Variants in MSN observed in about 807,000 individuals in gnomAD.
MSN encodes the protein moesin.
Under a neutral mutation model 48.0 loss-of-function variants are expected in MSN, and 2 were observed. The ratio of observed to expected loss-of-function variants is 0.04; its 90% confidence interval spans 0.02 to 0.13. MSN has a LOEUF of 0.13. Among genes scored for constraint, MSN ranks in the 10% least tolerant of loss-of-function variants. MSN has a pLI of 1.00. For synonymous variants in MSN, 146 were observed against 166.9 expected (o/e 0.87, Z 0.97); for missense variants, 267 against 470.1 (o/e 0.57, Z 3.99).
intron 1 of MSN, among the ~76,000 whole-genome samples, chrX:65,705,361 G>A (rs776786430): frequency 1.8e-5 from 2 of 111,879 alleles, no homozygotes; most frequent in South Asian, 7.5e-4. Context: ...AGGAGCTGGT[G>A]TGTCAGCCCA....
chrX:65,639,147 T>G (rs773777458), intron 1 of MSN, among the ~76,000 whole-genome samples: 2 of 111,765 alleles, frequency 1.8e-5, no homozygotes, highest in Non-Finnish European at 3.8e-5. Flanking sequence ...TTCATTTTCT[T>G]TTTTTTCTTT....
intron 3 of MSN, among the ~76,000 whole-genome samples, chrX:65,728,302 T>G (rs1337825780): frequency 9.0e-6 from 1 of 111,388 alleles, no homozygotes; most frequent in Non-Finnish European, 1.9e-5. Context: ...GTTTTTGTTT[T>G]GTTTTGTTTT....
intron 1 of MSN, among the ~76,000 whole-genome samples, chrX:65,647,876 G>A (rs1376574070): frequency 8.9e-6 from 1 of 111,894 alleles, no homozygotes; most frequent in Non-Finnish European, 1.9e-5. Context: ...CAGGGGAGAA[G>A]CCATTGAAGG....
At chrX:65,670,211 C>T (rs2070917274) in intron 1 of MSN, among the ~76,000 whole-genome samples, 1 of 111,871 alleles carries the variant, frequency 8.9e-6, no homozygotes, top group Non-Finnish European at 1.9e-5. Context: ...TCACTGAATA[C>T]CAACCAGTAA....
chrX:65,733,031 A>G (rs1328987656), intron 6 of MSN, among the ~76,000 whole-genome samples, 153 bp from the exon 7 acceptor site: 2 of 110,374 alleles, frequency 1.8e-5, no homozygotes, highest in Non-Finnish European at 3.8e-5. Flanking sequence ...AACCTGGGTA[A>G]CATAGTGAGA....
At chrX:65,595,127 C>T (rs899390336) in intron 1 of MSN, among the ~76,000 whole-genome samples, 5 of 112,177 alleles carry the variant, frequency 4.5e-5, no homozygotes, top group Admixed American at 1.9e-4. Flanking sequence ...TAAGGTCACT[C>T]CTTTTTTCTG....
intron 1 of MSN, among the ~76,000 whole-genome samples, chrX:65,695,833 AG>A (rs1468723566): frequency 2.1e-5 from 2 of 93,910 alleles, no homozygotes; most frequent in African/African-American, 1.5e-4. Context: ...TTCTGGGAAG[AG>A]GGTCAGGAAG....
intron 1 of MSN, among the ~76,000 whole-genome samples, chrX:65,622,346 C>T (rs1405693959): frequency 9.1e-6 from 1 of 109,381 alleles, no homozygotes; most frequent in East Asian, 2.8e-4. Flanking sequence ...GTGATCCACC[C>T]TTCTCAGCCT....
chrX:65,627,348 T>TC (rs1338657931), intron 1 of MSN, among the ~76,000 whole-genome samples: 3 of 103,274 alleles, frequency 2.9e-5, no homozygotes, highest in African/African-American at 1.3e-4. Flanking sequence ...TACCTGAGAC[T>TC]GTCGAGAAAA....
rs1322515120 is a variant in MSN at position 65,731,282 on chromosome X, T to C, written c.551+92T>C. 8.7e-5 allele frequency: 64 copies of C among 733,323 alleles called. 1 individual carries two copies. In the South Asian group the frequency reaches 1.6e-3, roughly 18 times the overall value. 60.4% of individuals were successfully genotyped at this position (733,323 alleles called of 1,213,427 possible). ...AGAAGAGACTGATGACAAGGGACAT[T>C]GGTGGATGTTGGAGAAAGAGGGAAC... On this transcript the variant is annotated intron_variant, in intron 5 of 12. Coordinates refer to ENST00000360270, the MANE Select transcript of MSN (RefSeq NM_002444.3).
At chrX:65,636,006 A>G (rs1319734637) in intron 1 of MSN, among the ~76,000 whole-genome samples, 4 of 112,169 alleles carry the variant, frequency 3.6e-5, no homozygotes, top group African/African-American at 1.3e-4. Flanking sequence ...CTCAAGAAGG[A>G]AGGGAGAAAA....
At chrX:65,650,424 G>A (rs1444753983) in intron 1 of MSN, among the ~76,000 whole-genome samples, 2 of 112,331 alleles carry the variant, frequency 1.8e-5, no homozygotes, top group African/African-American at 6.5e-5. Flanking sequence ...AAAGATGTAT[G>A]TGTTCTCAGG....
chrX:65,646,263 C>G (rs1379880017), intron 1 of MSN, among the ~76,000 whole-genome samples: 1 of 111,882 alleles, frequency 8.9e-6, no homozygotes, highest in Non-Finnish European at 1.9e-5. Context: ...CATTTCTCCC[C>G]TCAACAGGGT....
chrX:65,721,086 G>A (rs949669165), intron 2 of MSN, among the ~76,000 whole-genome samples: 1 of 112,078 alleles, frequency 8.9e-6, no homozygotes, highest in Non-Finnish European at 1.9e-5. Flanking sequence ...AATATTGACT[G>A]AAGGTCTACA....
chrX:65,692,092 T>TA (rs2071178531), intron 1 of MSN, among the ~76,000 whole-genome samples: 1 of 112,588 alleles, frequency 8.9e-6, no homozygotes, highest in South Asian at 3.6e-4. Context: ...AAACCTTTTC[T>TA]GAGGGAATAG....
At chrX:65,611,131 T>G (rs1476529762) in intron 1 of MSN, among the ~76,000 whole-genome samples, 1 of 108,217 alleles carries the variant, frequency 9.2e-6, no homozygotes, top group Non-Finnish European at 1.9e-5. Context: ...ATTATACAGT[T>G]TCTTCCATCC....
At chrX:65,691,255 A>G (rs1286481243) in intron 1 of MSN, among the ~76,000 whole-genome samples, 7 of 111,145 alleles carry the variant, frequency 6.3e-5, no homozygotes, top group Admixed American at 2.9e-4. Context: ...CAGGGGTTCA[A>G]TAGCTGCTGA....
chrX:65,722,806 G>A (rs894823737), intron 2 of MSN, among the ~76,000 whole-genome samples: 13 of 110,598 alleles, frequency 1.2e-4, no homozygotes, highest in African/African-American at 3.3e-4. Flanking sequence ...GAATTTCTGG[G>A]CTTTTGAAGT....
At chrX:65,597,367 G>A (rs2070195638) in intron 1 of MSN, among the ~76,000 whole-genome samples, 1 of 108,064 alleles carries the variant, frequency 9.3e-6, no homozygotes, top group South Asian at 4.1e-4. Flanking sequence ...TTATTTTTGA[G>A]ACAGGGTCTG....
Sources: allele counts gnomAD v4.1 joint callset (sites outside exome capture counted in the v4.1 genomes callset), GRCh38; gene constraint gnomAD v4.1.1; transcripts MANE v1.5; gene names NCBI Gene and HGNC (gene_info 2026-07-23, HGNC 2026-07-21).